Variants in PCCA observed in about 807,000 individuals in gnomAD.
The protein encoded by PCCA is propionyl-CoA carboxylase alpha chain, mitochondrial.
PCCA carries 74 observed loss-of-function variants against 101.3 expected under a neutral mutation model. That is an observed-to-expected ratio of 0.73 (90% CI 0.61 to 0.89). PCCA has a LOEUF of 0.89. Among genes scored for constraint, PCCA ranks in the 40% least tolerant of loss-of-function variants. The pLI, the probability that PCCA is intolerant of heterozygous loss-of-function variation, is 0.00. For synonymous variants in PCCA, 294 were observed against 313.6 expected (o/e 0.94, Z 0.66); for missense variants, 891 against 907.0 (o/e 0.98, Z 0.23).
chr13:100,132,920 C>T (rs1306175693), intron 4 of PCCA, among the ~76,000 whole-genome samples: 3 of 152,096 alleles, frequency 2.0e-5, no homozygotes, highest in Admixed American at 6.6e-5. Context: ...GCTGGCATTA[C>T]AGGCACCTGT....
At chr13:100,236,385 T>C (rs2152522909) in intron 8 of PCCA, 1 of 155,244 alleles carries the variant, frequency 6.4e-6, no homozygotes, top group South Asian at 1.9e-4. Flanking sequence ...CTGGAGGAGT[T>C]TTTAATGGCT....
At chr13:100,479,132 T>G (rs2083670134) in intron 21 of PCCA, among the ~76,000 whole-genome samples, 1 of 152,220 alleles carries the variant, frequency 6.6e-6, no homozygotes, top group South Asian at 2.1e-4. Context: ...TAAAGCCCTT[T>G]ATATACTGGG....
rs386380453 is a variant in PCCA, at chr13:100,453,484, A to AT, written c.1899+4179_1899+4180insT. ...AACCACTACACTCTAGTTTAAAAAA[A>AT]AAAAAAGAAGAAGAAGAAACAAATG... On this transcript the variant is annotated intron_variant, in intron 21 of 23. Transcript: ENST00000376285. Among the ~76,000 whole-genome samples the AT allele has an allele frequency of 1.7e-4, 24 of 143,228 alleles. No homozygotes were observed. The South Asian group carries it at 4.8e-3, about 29-fold the overall frequency. The allele number at this position is 143,228 out of a possible 152,430, so 94.0% of individuals were successfully genotyped here. A position where few individuals can be genotyped will look rare whatever the true frequency, so the allele number is the denominator to read the frequency against.
intron 20 of PCCA, among the ~76,000 whole-genome samples, chr13:100,447,504 T>C (rs982719404): frequency 2.6e-5 from 4 of 152,012 alleles, no homozygotes; most frequent in African/African-American, 7.3e-5. Flanking sequence ...AAACCCCGTC[T>C]CTACTAAAAA....
intron 4 of PCCA, among the ~76,000 whole-genome samples, chr13:100,123,391 G>A (rs2049622294): frequency 6.6e-6 from 1 of 152,034 alleles, no homozygotes; most frequent in Non-Finnish European, 1.5e-5. Context: ...AATCTCTGGT[G>A]GTTGGTTAAA....
At chr13:100,224,164 A>G (rs1329211493) in intron 7 of PCCA, among the ~76,000 whole-genome samples, 5 of 152,224 alleles carry the variant, frequency 3.3e-5, no homozygotes, top group African/African-American at 1.2e-4. Context: ...AGGCTCAGGC[A>G]TGGCGGGCTG....
At chr13:100,121,761 A>G (rs2049424924) in intron 4 of PCCA, among the ~76,000 whole-genome samples, 1 of 152,218 alleles carries the variant, frequency 6.6e-6, no homozygotes, top group Non-Finnish European at 1.5e-5. Context: ...GGCATGAGCT[A>G]CTGTGCCCGG....
At chr13:100,405,591 A>C (rs1283305448) in intron 19 of PCCA, among the ~76,000 whole-genome samples, 1 of 152,168 alleles carries the variant, frequency 6.6e-6, no homozygotes, top group Non-Finnish European at 1.5e-5. Flanking sequence ...TTATTTCTAC[A>C]TAGGCCTTTT....
At chr13:100,305,144 CAG>C (rs2066352390) in intron 14 of PCCA, among the ~76,000 whole-genome samples, 1 of 152,064 alleles carries the variant, frequency 6.6e-6, no homozygotes, top group South Asian at 2.1e-4. Flanking sequence ...AATTATAAAG[CAG>C]AGTTTTCATA....
intron 17 of PCCA, among the ~76,000 whole-genome samples, chr13:100,331,934 ATTTTTTTTTTT>A (rs34411352): frequency 1.1e-5 from 1 of 89,768 alleles, no homozygotes; most frequent in Non-Finnish European, 2.0e-5. Flanking sequence ...ATTACTTTGG[ATTTTTTTTTTT>A]TTTTTTTTTT....
chr13:100,238,779 G>A (rs1013578146), intron 8 of PCCA, among the ~76,000 whole-genome samples: 8 of 152,032 alleles, frequency 5.3e-5, no homozygotes, highest in African/African-American at 9.7e-5. Flanking sequence ...TTGATATTTC[G>A]TAAGTTTTTT....
chr13:100,120,670 A>G (rs947306714), intron 4 of PCCA, among the ~76,000 whole-genome samples: 24 of 152,178 alleles, frequency 1.6e-4, no homozygotes, highest in Non-Finnish European at 2.4e-4. Flanking sequence ...AAATACTCCA[A>G]TGGGAATTGG....
At chr13:100,181,962 C>T (rs539724534) in intron 6 of PCCA, among the ~76,000 whole-genome samples, 6 of 144,144 alleles carry the variant, frequency 4.2e-5, no homozygotes, top group Admixed American at 7.1e-5. Context: ...GATGGGGTCT[C>T]GCCATGTTTC....
At chr13:100,168,513 A>G (rs1205934009) in intron 6 of PCCA, among the ~76,000 whole-genome samples, 1 of 152,172 alleles carries the variant, frequency 6.6e-6, no homozygotes, top group Non-Finnish European at 1.5e-5. Context: ...CCATGTATGC[A>G]TGGGTCAGAT....
chr13:100,191,723 A>G (rs1200520627), intron 6 of PCCA, among the ~76,000 whole-genome samples: 6 of 152,350 alleles, frequency 3.9e-5, no homozygotes, highest in African/African-American at 1.4e-4. Flanking sequence ...GGTGTCAGTC[A>G]TATTTCAAAT....
At chr13:100,318,549 T>C (rs2067644940) in intron 16 of PCCA, among the ~76,000 whole-genome samples, 1 of 148,652 alleles carries the variant, frequency 6.7e-6, no homozygotes, top group African/African-American at 2.5e-5. Flanking sequence ...TTCTCATTGT[T>C]CAGTTCCCAC....
In PCCA at chr13:100,214,284, G is replaced by A. The variant is rs76028969; in HGVS notation, c.600+4821G>A. Among the ~76,000 whole-genome samples, 921 of 151,992 alleles carry A rather than the reference G, an allele frequency of 6.1e-3. 13 individuals are homozygous for A. Among genetic ancestry groups the A allele is most frequent in the African/African-American group, 0.014 (589 of 41,440 alleles). ...TTGGTATTTTGATAAGGATTATATT[G>A]AATCGGTAGATTGCTTTAGGTAGTA... On this transcript the variant is annotated intron_variant, in intron 7 of 23. Coordinates refer to ENST00000376285, the MANE Select transcript of PCCA (RefSeq NM_000282.4).
chr13:100,528,347 A>G (rs1191438916), intron 23 of PCCA, among the ~76,000 whole-genome samples: 1 of 152,242 alleles, frequency 6.6e-6, no homozygotes, highest in Non-Finnish European at 1.5e-5. Context: ...AAGACTGAAA[A>G]GATGCCGTTA....
chr13:100,529,034 G>A (rs1023370931), intron 23 of PCCA, among the ~76,000 whole-genome samples: 7 of 152,112 alleles, frequency 4.6e-5, no homozygotes, highest in Admixed American at 6.5e-5. Flanking sequence ...TCCTGTCCTC[G>A]TGGCCTGGGT....
Sources: allele counts gnomAD v4.1 joint callset (sites outside exome capture counted in the v4.1 genomes callset), GRCh38; gene constraint gnomAD v4.1.1; transcripts MANE v1.5; gene names NCBI Gene and HGNC (gene_info 2026-07-23, HGNC 2026-07-21).